Variants in LEF1 observed in about 807,000 individuals in gnomAD.
LEF1 encodes lymphoid enhancer-binding factor 1.
LEF1 carries 14 observed loss-of-function variants against 51.2 expected under a neutral mutation model. The observed-to-expected ratio is 0.27, with a 90% CI of 0.18 to 0.43. The LOEUF (loss-of-function observed/expected upper bound fraction) is 0.43, where lower values mean the gene tolerates loss of function less well. Among genes scored for constraint, LEF1 ranks in the 20% least tolerant of loss-of-function variants. The pLI, the probability that LEF1 is intolerant of heterozygous loss-of-function variation, is 1.00. For synonymous variants in LEF1, 185 were observed against 183.2 expected (o/e 1.01, Z -0.08); for missense variants, 386 against 512.0 (o/e 0.75, Z 2.37).
In LEF1 at chr4:108,099,617, T is replaced by TAA. The variant is rs1230105612; in HGVS notation, c.415-10362_415-10361dup. Among the ~76,000 whole-genome samples the TAA allele has an allele frequency of 3.1e-3, 361 of 118,182 alleles. 3 individuals carry two copies. Among genetic ancestry groups the TAA allele is most frequent in the Non-Finnish European group, 4.8e-3 (281 of 58,264 alleles). 77.5% of individuals were successfully genotyped at this position (118,182 alleles called of 152,430 possible). A position where few individuals can be genotyped will look rare whatever the true frequency, so the allele number is the denominator to read the frequency against. ...ATATATATATATATATATATATATATAAATAATACTTGAAATTATGGGGTA... is the reference window on the plus strand; with the variant it reads ...ATATATATATATATATATATATATATAAAAATAATACTTGAAATTATGGGGTA... On this transcript the variant is annotated intron_variant, in intron 3 of 11. Coordinates refer to ENST00000265165, the MANE Select transcript of LEF1 (RefSeq NM_016269.5).
chr4:108,070,605 A>T, intron 9 of LEF1, 58 bp downstream of exon 9: 2 of 1,151,360 alleles, frequency 1.7e-6, no homozygotes, highest in East Asian at 2.3e-5. Flanking sequence ...TTCCTTCTTG[A>T]ACGCAAAAGA....
chr4:108,070,506 A>G (rs937835351), intron 9 of LEF1, 157 bp downstream of exon 9: 1 of 452,990 alleles, frequency 2.2e-6, no homozygotes, highest in African/African-American at 2.0e-5. Flanking sequence ...AAGCTTTCAT[A>G]ATGCAATATA....
At chr4:108,061,677 C>T (rs1039409302) in intron 11 of LEF1, among the ~76,000 whole-genome samples, 2 of 150,636 alleles carry the variant, frequency 1.3e-5, no homozygotes, top group Non-Finnish European at 2.9e-5. Flanking sequence ...GTGATTTTGA[C>T]TAGATTTACT....
intron 3 of LEF1, among the ~76,000 whole-genome samples, chr4:108,117,292 C>A (rs1204199477): frequency 6.6e-6 from 1 of 152,118 alleles, no homozygotes; most frequent in East Asian, 1.9e-4. Context: ...ATTTACTCGA[C>A]ATGTTGTAAA....
At chr4:108,152,982 T>G (rs1010476391) in intron 3 of LEF1, among the ~76,000 whole-genome samples, 3 of 152,230 alleles carry the variant, frequency 2.0e-5, no homozygotes, top group Non-Finnish European at 4.4e-5. Context: ...ATTATCTTGG[T>G]TGGACCCTAG....
chr4:108,103,342 T>C (rs535232895), intron 3 of LEF1, among the ~76,000 whole-genome samples: 1 of 152,202 alleles, frequency 6.6e-6, no homozygotes, highest in Admixed American at 6.5e-5. Context: ...AGCTGATAAA[T>C]GGGATGTCAA....
intron 3 of LEF1, among the ~76,000 whole-genome samples, chr4:108,163,267 C>A (rs567893565): frequency 6.6e-6 from 1 of 152,302 alleles, no homozygotes; most frequent in African/African-American, 2.4e-5. Flanking sequence ...CTCTCATCAG[C>A]ATAGAATGCA....
At chr4:108,068,182 G>A (rs750900605) in intron 9 of LEF1, among the ~76,000 whole-genome samples, 13 of 151,984 alleles carry the variant, frequency 8.6e-5, no homozygotes, top group Non-Finnish European at 1.5e-4. Context: ...CTGGAGAATC[G>A]CTTAAACCTG....
intron 3 of LEF1, among the ~76,000 whole-genome samples, chr4:108,152,124 T>C (rs2110397333): frequency 6.6e-6 from 1 of 152,270 alleles, no homozygotes; most frequent in Non-Finnish European, 1.5e-5. Context: ...GAGAGAGTAG[T>C]CACTCTTGAC....
At chr4:108,105,576 C>G (rs947571763) in intron 3 of LEF1, among the ~76,000 whole-genome samples, 1 of 152,114 alleles carries the variant, frequency 6.6e-6, no homozygotes, top group African/African-American at 2.4e-5. Context: ...TTGTTTTTAC[C>G]TCAAACATCT....
chr4:108,146,714 T>G (rs1360311602), intron 3 of LEF1, among the ~76,000 whole-genome samples: 1 of 152,220 alleles, frequency 6.6e-6, no homozygotes. Flanking sequence ...TCCTAAAAAC[T>G]CCGACAAGTT....
intron 3 of LEF1, among the ~76,000 whole-genome samples, chr4:108,127,822 AG>A (rs949760526): frequency 6.6e-6 from 1 of 152,196 alleles, no homozygotes; most frequent in Non-Finnish European, 1.5e-5. Flanking sequence ...CAGAAATTTA[AG>A]ATCTGAAGGG....
chr4:108,134,189 C>T (rs1371918938), intron 3 of LEF1, among the ~76,000 whole-genome samples: 1 of 149,844 alleles, frequency 6.7e-6, no homozygotes, highest in African/African-American at 2.4e-5. Flanking sequence ...AATCAACTTT[C>T]ACATATCTTT....
chr4:108,149,733 G>A (rs975955625), intron 3 of LEF1, among the ~76,000 whole-genome samples: 6 of 150,678 alleles, frequency 4.0e-5, no homozygotes, highest in South Asian at 2.1e-4. Context: ...ATGAGCACAC[G>A]TAATACATTT....
intron 3 of LEF1, among the ~76,000 whole-genome samples, chr4:108,094,793 G>C (rs956803055): frequency 6.6e-6 from 1 of 152,164 alleles, no homozygotes; most frequent in Non-Finnish European, 1.5e-5. Context: ...TCAACTTATT[G>C]AGATGAGGAA....
At chr4:108,059,337 T>C (rs372318046) in intron 11 of LEF1, among the ~76,000 whole-genome samples, 61 of 152,100 alleles carry the variant, frequency 4.0e-4, no homozygotes, top group African/African-American at 1.4e-3. Flanking sequence ...AAAATACAAG[T>C]TTTTTGTTCT....
chr4:108,118,867 A>G (rs953627436), intron 3 of LEF1, among the ~76,000 whole-genome samples: 1 of 152,086 alleles, frequency 6.6e-6, no homozygotes, highest in South Asian at 2.1e-4. Flanking sequence ...TTTGTTTTAC[A>G]TAATTTGTTG....
In LEF1 at chr4:108,163,717, G is replaced by C; in HGVS notation, c.281-16C>G. On this transcript the variant is annotated splice_polypyrimidine_tract_variant and intron_variant, in intron 2 of 11. Transcript: ENST00000265165. ...GGATGCTTTCCTGGGAAGATCCAAA[G>C]AACAATCAATGATGCACTGACTTCC... 1 of 1,611,384 alleles carries C rather than the reference G, an allele frequency of 6.2e-7. No individual in the cohort carries two copies. The highest frequency in any genetic ancestry group is 8.5e-7 in the Non-Finnish European group (1 of 1,178,798).
At chr4:108,103,916 C>T (rs371314942) in intron 3 of LEF1, among the ~76,000 whole-genome samples, 10 of 152,270 alleles carry the variant, frequency 6.6e-5, no homozygotes, top group African/African-American at 2.4e-4. Flanking sequence ...CCAGTGATGC[C>T]ACTCCTTCTG....
Sources: allele counts gnomAD v4.1 joint callset (sites outside exome capture counted in the v4.1 genomes callset), GRCh38; gene constraint gnomAD v4.1.1; transcripts MANE v1.5; gene names NCBI Gene and HGNC (gene_info 2026-07-23, HGNC 2026-07-21).